ZNF385D: variants seen among roughly 807,000 people sequenced by gnomAD.
ZNF385D encodes the protein zinc finger protein 659.
A neutral mutation model predicts 35.8 loss-of-function variants in ZNF385D; 15 were observed. That is an observed-to-expected ratio of 0.42 (90% CI 0.28 to 0.64). The LOEUF (loss-of-function observed/expected upper bound fraction) is 0.64. Among genes scored for constraint, ZNF385D ranks in the 30% least tolerant of loss-of-function variants. The pLI, the probability that ZNF385D is intolerant of heterozygous loss-of-function variation, is 0.23. For synonymous variants in ZNF385D, 212 were observed against 186.8 expected (o/e 1.13, Z -1.10); for missense variants, 474 against 494.6 (o/e 0.96, Z 0.39).
At chr3:21,566,178 G>C (rs1186028225) in intron 2 of ZNF385D, among the ~76,000 whole-genome samples, 4 of 152,116 alleles carry the variant, frequency 2.6e-5, no homozygotes, top group African/African-American at 4.8e-5. Context: ...TGATTTACAT[G>C]GTTACAGTGA....
rs1488622502 is a variant in ZNF385D, at chr3:21,415,745, C to CCATTT, written c.*5468_*5469insAAATG. ...CTGCCAGTCTGAAAATAACATGACC[C>CCATTT]CATTATCGGCTGTCTTAGTTAACCA... On this transcript the variant is annotated 3_prime_UTR_variant, in exon 8 of 8. Coordinates refer to ENST00000281523, the MANE Select transcript of ZNF385D (RefSeq NM_024697.3). 6 of 152,040 alleles carry CCATTT rather than the reference C, an allele frequency of 3.9e-5. No homozygotes were observed. The highest frequency in any genetic ancestry group is 7.4e-5 in the Non-Finnish European group (5 of 67,976). 9.4% of individuals were successfully genotyped at this position (152,040 alleles called of 1,614,324 possible).
At chr3:21,761,979 A>G (rs1471862794) in intron 3 of ZNF385D, among the ~76,000 whole-genome samples, 1 of 144,524 alleles carries the variant, frequency 6.9e-6, no homozygotes, top group Non-Finnish European at 1.5e-5. Flanking sequence ...TCCTGGTTCA[A>G]GCAATTCTCC....
At chr3:21,752,293 A>G (rs2070140342), upstream of ZNF385D, among the ~76,000 whole-genome samples, 1 of 152,198 alleles carries the variant, frequency 6.6e-6, no homozygotes, top group South Asian at 2.1e-4. Flanking sequence ...TGAACTTATA[A>G]ATTTCTATAG....
At chr3:21,763,371 C>G (rs1023505580) in intron 3 of ZNF385D, among the ~76,000 whole-genome samples, 5 of 151,774 alleles carry the variant, frequency 3.3e-5, no homozygotes, top group African/African-American at 1.2e-4. Flanking sequence ...GTCATTACTT[C>G]GAAAAGAAAA....
chr3:21,895,149 G>A (rs1479975), intron 3 of ZNF385D, among the ~76,000 whole-genome samples: 33,641 of 151,582 alleles, frequency 0.22, 3,780 homozygotes, highest in Middle Eastern at 0.3. Flanking sequence ...AAATAGGTTG[G>A]TATATATGGA....
chr3:21,517,702 C>T (rs1017598236), intron 3 of ZNF385D, among the ~76,000 whole-genome samples: 1 of 152,132 alleles, frequency 6.6e-6, no homozygotes, highest in African/African-American at 2.4e-5. Flanking sequence ...AAGTCACATG[C>T]ACAGGTGCAG....
At chr3:21,590,921 C>T (rs74285123) in intron 2 of ZNF385D, among the ~76,000 whole-genome samples, 3,388 of 152,060 alleles carry the variant, frequency 0.022, 70 homozygotes, top group African/African-American at 0.053. Flanking sequence ...TCAGGCCAGA[C>T]GCAACTTCTC....
intron 2 of ZNF385D, among the ~76,000 whole-genome samples, chr3:22,278,501 G>A (rs973294464): frequency 3.3e-5 from 5 of 152,200 alleles, no homozygotes; most frequent in East Asian, 1.9e-4. Flanking sequence ...TGGATCCAAT[G>A]ACTTTCCGAT....
chr3:21,700,633 C>G (rs2067646738), intron 1 of ZNF385D, among the ~76,000 whole-genome samples: 1 of 152,082 alleles, frequency 6.6e-6, no homozygotes, highest in South Asian at 2.1e-4. Context: ...CTTTCTGATC[C>G]TCATTTACTG....
At chr3:21,462,993 C>T (rs1437748047) in intron 4 of ZNF385D, among the ~76,000 whole-genome samples, 1 of 151,704 alleles carries the variant, frequency 6.6e-6, no homozygotes, top group East Asian at 1.9e-4. Flanking sequence ...CAAAAACAAA[C>T]AAACAAACAA....
At chr3:21,988,640 C>T (rs1412560267) in intron 3 of ZNF385D, among the ~76,000 whole-genome samples, 2 of 145,396 alleles carry the variant, frequency 1.4e-5, no homozygotes, top group East Asian at 2.3e-4. Context: ...GTGCCCTGCC[C>T]GCAGAGGTGG....
rs529947411 is a variant in ZNF385D at position 21,598,679 on chromosome 3, T to G, written c.166-33995A>C. On this transcript the variant is annotated intron_variant, in intron 2 of 7. Coordinates refer to ENST00000281523, the MANE Select transcript of ZNF385D (RefSeq NM_024697.3). ...ATAAATTTATGTCTGAAGTTATTTT[T>G]ACTTTAAACCACAAATTAGGTACTG... is the stretch of plus-strand genomic sequence containing the variant. Among the ~76,000 whole-genome samples the G allele has an allele frequency of 3.9e-5, 6 of 152,336 alleles. No homozygotes were observed. The South Asian group carries it at 1.2e-3, about 32-fold the overall frequency.
At chr3:22,153,862 T>C (rs1705420340) in intron 3 of ZNF385D, among the ~76,000 whole-genome samples, 1 of 152,124 alleles carries the variant, frequency 6.6e-6, no homozygotes, top group Non-Finnish European at 1.5e-5. Context: ...CAGAAACTTC[T>C]GGATACCTTT....
At chr3:22,289,904 T>C (rs754250165) in intron 2 of ZNF385D, among the ~76,000 whole-genome samples, 1 of 152,132 alleles carries the variant, frequency 6.6e-6, no homozygotes, top group Non-Finnish European at 1.5e-5. Context: ...GTTAACTCTC[T>C]AATGCAGCCT....
At chr3:21,737,697 A>T (rs915692455) in intron 1 of ZNF385D, among the ~76,000 whole-genome samples, 1 of 152,206 alleles carries the variant, frequency 6.6e-6, no homozygotes, top group Non-Finnish European at 1.5e-5. Context: ...TATTGAACAT[A>T]TTCAAAGAGT....
intron 6 of ZNF385D, among the ~76,000 whole-genome samples, 168 bp downstream of exon 6, chr3:21,425,324 G>A (rs1700969585): frequency 6.6e-6 from 1 of 152,096 alleles, no homozygotes; most frequent in South Asian, 2.1e-4. Context: ...AAATAAATCA[G>A]AACAGTGAAA....
intron 3 of ZNF385D, among the ~76,000 whole-genome samples, chr3:21,904,953 A>G (rs1699596772): frequency 6.6e-6 from 1 of 152,056 alleles, no homozygotes; most frequent in Non-Finnish European, 1.5e-5. Context: ...TGAAAGTACA[A>G]GAAAGAAAAA....
At chr3:21,965,705 T>C (rs540731466) in intron 3 of ZNF385D, among the ~76,000 whole-genome samples, 1 of 152,350 alleles carries the variant, frequency 6.6e-6, no homozygotes, top group South Asian at 2.1e-4. Flanking sequence ...GGCAATGTTA[T>C]ATCAACATTA....
intron 3 of ZNF385D, among the ~76,000 whole-genome samples, chr3:22,121,074 C>T (rs1405890533): frequency 6.6e-6 from 1 of 152,174 alleles, no homozygotes; most frequent in African/African-American, 2.4e-5. Flanking sequence ...GATAAAGCTG[C>T]CTGGTTGTTG....
Sources: gnomAD v4.1 joint callset for allele counts (sites outside exome capture counted in the v4.1 genomes callset) on GRCh38, gnomAD v4.1.1 for gene constraint, MANE v1.5 for transcripts, NCBI Gene and HGNC (gene_info 2026-07-23, HGNC 2026-07-21) for gene names.